The following ATP6V1B1 variants were observed in gnomAD, a reference collection of about 807,000 sequenced individuals.
The protein encoded by ATP6V1B1 is V-type proton ATPase subunit B, kidney isoform.
ATP6V1B1 carries 41 observed loss-of-function variants against 62.1 expected under a neutral mutation model. The observed-to-expected ratio is 0.66, with a 90% CI of 0.51 to 0.86. The LOEUF is 0.86. Ranked by LOEUF, ATP6V1B1 falls within the 40% of genes least tolerant of loss-of-function variation. ATP6V1B1 has a pLI of 0.00. For synonymous variants in ATP6V1B1, 253 were observed against 273.4 expected (o/e 0.93, Z 0.74); for missense variants, 651 against 697.5 (o/e 0.93, Z 0.75).
intron 2 of ATP6V1B1, among the ~76,000 whole-genome samples, chr2:70,946,641 G>A (rs1680181248): frequency 6.6e-6 from 1 of 152,186 alleles, no homozygotes; most frequent in Admixed American, 6.5e-5. Flanking sequence ...GACAAATGTA[G>A]TATTATTCTC....
At chr2:70,950,826 T>G (rs1046184969) in intron 2 of ATP6V1B1, among the ~76,000 whole-genome samples, 3 of 151,624 alleles carry the variant, frequency 2.0e-5, no homozygotes, top group Admixed American at 6.6e-5. Context: ...TTTGCAAAGA[T>G]AAAAATAGTA....
chr2:70,941,943 G>GGGTGGAA, intron 1 of ATP6V1B1: 1 of 998,146 alleles, frequency 1.0e-6, no homozygotes, highest in Non-Finnish European at 1.2e-6. Context: ...GCCAAGGAGA[G>GGGTGGAA]GGTGGAAGGT....
Position 70,963,558 on chromosome 2 carries a change from G to A in ATP6V1B1, c.1061-14G>A, listed in dbSNP as rs782144462. 77 of 1,613,254 alleles carry A rather than the reference G, an allele frequency of 4.8e-5. No individual in the cohort carries two copies. The highest frequency in any genetic ancestry group is 6.4e-5 in the Non-Finnish European group (75 of 1,179,332). The stretch of plus-strand genomic sequence containing the variant: ...GGCCCCCACCCACACTGAGGCCAGT[G>A]AGTTTTCTTGTAGATATCACCCACC... On this transcript the variant is annotated splice_polypyrimidine_tract_variant and intron_variant, in intron 10 of 13. Coordinates refer to ENST00000234396, the MANE Select transcript of ATP6V1B1 (RefSeq NM_001692.4). The surrounding 1 kb of genome is among the most constrained non-coding windows in gnomAD (Gnocchi z 4.3).
At chr2:70,943,561 G>A in intron 1 of ATP6V1B1, 97 bp from the exon 2 acceptor site, 1 of 1,269,564 alleles carries the variant, frequency 7.9e-7, no homozygotes, top group Non-Finnish European at 1.1e-6. Context: ...GGAAGGAGGT[G>A]GGGTGTGGAG....
chr2:70,939,327 CAA>C (rs1373715840), intron 1 of ATP6V1B1: 1 of 152,410 alleles, frequency 6.6e-6, no homozygotes, highest in Non-Finnish European at 1.5e-5. Flanking sequence ...GGAGTGTCTG[CAA>C]AGTCTCTGGA....
At chr2:70,947,266 TAA>T (rs1553417546) in intron 2 of ATP6V1B1, among the ~76,000 whole-genome samples, 1 of 152,204 alleles carries the variant, frequency 6.6e-6, no homozygotes, top group Non-Finnish European at 1.5e-5. Context: ...CAGAAAAGTC[TAA>T]CTCTCTGATT....
In ATP6V1B1 at chr2:70,962,884, C is replaced by G; in HGVS notation, c.893C>G (p.Ala298Gly). ...ATACTGACGGACATGAGTTCCTATG[C>G]AGAGGCCTTGCGGGAGGTAAGCTGG... The part of the protein sequence containing the change: ...LVILTDMSSY[A>G]EALREVSAAR... The change falls in exon 9 of 14, where the codon GCA becomes GGA. Residue 298 changes from alanine to glycine, a missense_variant. Ala to Gly is a moderately conservative substitution (Grantham distance 60). Transcript: ENST00000234396. 6.2e-7 allele frequency: 1 copy of G among 1,614,144 alleles called. No individual in the cohort carries two copies. Among genetic ancestry groups the G allele is most frequent in the Admixed American group, 1.7e-5 (1 of 60,032 alleles).
At chr2:70,945,015 C>G (rs1407461416) in intron 2 of ATP6V1B1, among the ~76,000 whole-genome samples, 5 of 152,284 alleles carry the variant, frequency 3.3e-5, no homozygotes, top group East Asian at 1.9e-4. Context: ...TCCACTCACT[C>G]TCATCACTCT....
intron 6 of ATP6V1B1, among the ~76,000 whole-genome samples, chr2:70,960,525 C>T (rs1227675424): frequency 6.6e-6 from 1 of 152,102 alleles, no homozygotes; most frequent in Non-Finnish European, 1.5e-5. Flanking sequence ...GCATAAGTGC[C>T]CCCACCCTAC....
rs1553415239 is a variant in ATP6V1B1 at position 70,935,960 on chromosome 2, C to T, written c.6C>T (p.Ala2=). M[A]MEIDSRPGGL... ...TCCCAGCTGGGGACTGCTCCATGGC[C>T]ATGGAGATAGACAGCAGGCCTGGGG... The change falls in exon 1 of 14, where the codon GCC becomes GCT. Residue 2 remains alanine, a synonymous_variant. Coordinates refer to ENST00000234396, the MANE Select transcript of ATP6V1B1 (RefSeq NM_001692.4). 6 of 1,613,390 alleles carry T rather than the reference C, an allele frequency of 3.7e-6. No homozygotes were observed. The South Asian group carries it at 5.5e-5, about 15-fold the overall frequency.
intron 2 of ATP6V1B1, chr2:70,957,674 C>T: frequency 5.7e-6 from 2 of 348,698 alleles, no homozygotes; most frequent in South Asian, 4.5e-5. Flanking sequence ...TATCTCATTT[C>T]CTCCCTGCAG....
At chr2:70,962,729 C>T (rs1553420295) in intron 8 of ATP6V1B1, 48 bp from the exon 9 acceptor site, 2 of 1,609,200 alleles carry the variant, frequency 1.2e-6, no homozygotes, top group Non-Finnish European at 1.7e-6. Flanking sequence ...CTATGTGGTG[C>T]ATTAGCCCAG....
At chr2:70,941,808 T>G in intron 1 of ATP6V1B1, 4 of 985,768 alleles carry the variant, frequency 4.1e-6, no homozygotes, top group Non-Finnish European at 4.8e-6. Context: ...CCCAAAGGTC[T>G]GAGAGCGAGG....
Position 70,959,196 on chromosome 2 carries a change from G to A in ATP6V1B1, c.445+101G>A. The A allele has an allele frequency of 7.5e-7, 1 of 1,325,206 alleles. No homozygotes were observed. Among genetic ancestry groups the A allele is most frequent in the Non-Finnish European group, 1.1e-6 (1 of 930,178 alleles). 82.1% of individuals were successfully genotyped at this position (1,325,206 alleles called of 1,614,324 possible). ...ACTCACAAGCAGATCAGATGTGATG[G>A]GAGAGCAGCAAAGGCCTCTCTATCC... On this transcript the variant is annotated intron_variant, in intron 5 of 13. Transcript: ENST00000234396. This position sits in a 1 kb window ranked among gnomAD's most constrained non-coding sequence, Gnocchi z 4.2.
intron 11 of ATP6V1B1, chr2:70,964,094 T>C: frequency 2.7e-6 from 1 of 368,610 alleles, no homozygotes; most frequent in Non-Finnish European, 4.9e-6. Flanking sequence ...CTATGACGTT[T>C]TTCTCTTTGC....
chr2:70,961,602 A>G lies in ATP6V1B1; in HGVS notation c.694A>G (p.Met232Val). ...AIVFAAMGVNMETARFFKSDF... is the reference protein window; with the variant it reads ...AIVFAAMGVNVETARFFKSDF... Reference sequence around the variant, plus strand: ...CACCCTGCTGTGTATCCAGGTGAACATGGAGACAGCCAGATTCTTCAAGTC... The same window carrying G: ...CACCCTGCTGTGTATCCAGGTGAACGTGGAGACAGCCAGATTCTTCAAGTC... The change falls in exon 8 of 14, where the codon ATG (methionine) becomes GTG (valine). Residue 232 changes from methionine to valine, a missense_variant. Physicochemically the swap from Met to Val is conservative, Grantham distance 21. Coordinates refer to ENST00000234396, the MANE Select transcript of ATP6V1B1 (RefSeq NM_001692.4). The G allele has an allele frequency of 6.2e-7, 1 of 1,614,106 alleles. No homozygotes were observed. Among genetic ancestry groups the G allele is most frequent in the Non-Finnish European group, 8.5e-7 (1 of 1,179,904 alleles).
chr2:70,953,768 A>G (rs1680371162), intron 2 of ATP6V1B1, among the ~76,000 whole-genome samples: 1 of 152,216 alleles, frequency 6.6e-6, no homozygotes, highest in Admixed American at 6.5e-5. Context: ...CTTAAGTTTC[A>G]AATTATTTAT....
chr2:70,942,724 T>C (rs541625395), intron 1 of ATP6V1B1, among the ~76,000 whole-genome samples: 1 of 152,334 alleles, frequency 6.6e-6, no homozygotes, highest in Non-Finnish European at 1.5e-5. Flanking sequence ...CACTCCCCTC[T>C]GCATCCTGCC....
At chr2:70,939,190 C>T (rs1679926944) in intron 1 of ATP6V1B1, 1 of 152,370 alleles carries the variant, frequency 6.6e-6, no homozygotes, top group African/African-American at 2.4e-5. Context: ...GGGGGCCCCG[C>T]TGAGCCTTTG....
Sources: allele counts gnomAD v4.1 joint callset (sites outside exome capture counted in the v4.1 genomes callset), GRCh38; gene constraint gnomAD v4.1.1; non-coding constraint Gnocchi (gnomAD v3.1); transcripts MANE v1.5; gene names NCBI Gene and HGNC (gene_info 2026-07-23, HGNC 2026-07-21).